The following PAPPA variants were observed in gnomAD, a reference collection of about 807,000 sequenced individuals.
PAPPA encodes pappalysin-1.
Under a neutral mutation model 164.0 loss-of-function variants are expected in PAPPA, and 60 were observed. The observed-to-expected ratio is 0.37, with a 90% CI of 0.30 to 0.45. The LOEUF (loss-of-function observed/expected upper bound fraction) is 0.45, where lower values mean the gene tolerates loss of function less well. Ranked by LOEUF, PAPPA falls within the 20% of genes least tolerant of loss-of-function variation. PAPPA has a pLI of 1.00. For missense variants in PAPPA, 1,782 were observed against 2,087.3 expected, an observed-to-expected ratio of 0.85 and a Z score of 2.85; for synonymous variants, 875 against 814.1, an observed-to-expected ratio of 1.07 and a Z score of -1.27.
chr9:116,265,906 G>C lies in PAPPA; in HGVS notation c.2782G>C (p.Gly928Arg), dbSNP rs769312259. The C allele has an allele frequency of 6.2e-7, 1 of 1,611,736 alleles. No individual in the cohort carries two copies. The highest frequency in any genetic ancestry group is 2.2e-5 in the East Asian group (1 of 44,832). Residue 928 changes from glycine to arginine, a missense_variant, in exon 8 of 22, where the codon GGA (glycine) becomes CGA (arginine). Around this residue, in one of 2 missense-constraint regions of PAPPA, gnomAD observed 1,324 missense variants for 1,656.9 expected, o/e 0.80. Coordinates refer to ENST00000328252, the MANE Select transcript of PAPPA (RefSeq NM_002581.5). ...CCAGTATTGGGTCATAACTATTTCA[G>C]GAACTGAAGAGAGTGAGCCATCACC... ...VYQYWVITISGTEESEPSPAV... is the reference protein window; with the variant it reads ...VYQYWVITISRTEESEPSPAV...
At chr9:116,176,275 G>A (rs1429337536) in intron 1 of PAPPA, among the ~76,000 whole-genome samples, 1 of 152,168 alleles carries the variant, frequency 6.6e-6, no homozygotes, top group East Asian at 1.9e-4. Flanking sequence ...AATTGTTGTT[G>A]GTCTTTATTC....
chr9:116,202,713 T>A (rs1844185432), intron 2 of PAPPA, among the ~76,000 whole-genome samples: 2 of 152,076 alleles, frequency 1.3e-5, no homozygotes, highest in Admixed American at 6.6e-5. Flanking sequence ...AAGGTGGAAG[T>A]GTGTAAGGGG....
intron 1 of PAPPA, among the ~76,000 whole-genome samples, chr9:116,173,870 C>T (rs901123320): frequency 1.3e-5 from 2 of 152,206 alleles, no homozygotes; most frequent in Non-Finnish European, 2.9e-5. Flanking sequence ...CTATAGAACT[C>T]GCTTTATTAC....
intron 1 of PAPPA, among the ~76,000 whole-genome samples, chr9:116,173,532 T>A (rs981025936): frequency 1.2e-4 from 18 of 152,182 alleles, no homozygotes; most frequent in African/African-American, 4.1e-4. Flanking sequence ...AAACTTTAGA[T>A]CTTTTGGCAT....
At chr9:116,215,991 A>T (rs938179300) in intron 4 of PAPPA, among the ~76,000 whole-genome samples, 2 of 152,210 alleles carry the variant, frequency 1.3e-5, no homozygotes, top group African/African-American at 4.8e-5. Context: ...TACCTTAGAC[A>T]TCAATTTTAT....
At chr9:116,238,886 C>T (rs1844704509) in intron 7 of PAPPA, among the ~76,000 whole-genome samples, 1 of 152,248 alleles carries the variant, frequency 6.6e-6, no homozygotes, top group South Asian at 2.1e-4. Flanking sequence ...AGTCCTGAAC[C>T]CCACCACAAA....
intron 12 of PAPPA, among the ~76,000 whole-genome samples, chr9:116,334,238 TAAA>T (rs397974030): frequency 1.1e-4 from 12 of 108,956 alleles, no homozygotes; most frequent in Admixed American, 2.0e-4. Flanking sequence ...CTGGCTGCAT[TAAA>T]AAAAAAAAAA....
chr9:116,353,922 T>TA (rs1846318318), intron 17 of PAPPA, 129 bp downstream of exon 17: 1 of 620,020 alleles, frequency 1.6e-6, no homozygotes, highest in Admixed American at 3.5e-5. Flanking sequence ...CTACCCGCAA[T>TA]ACTGTTTTTG....
intron 1 of PAPPA, among the ~76,000 whole-genome samples, chr9:116,186,299 CAGAG>C (rs1334134359): frequency 4.0e-5 from 6 of 149,726 alleles, no homozygotes; most frequent in Admixed American, 6.7e-5. Flanking sequence ...TATATATAGA[CAGAG>C]AGAGAGGCAT....
At chr9:116,238,178 A>T (rs1057310094) in intron 7 of PAPPA, among the ~76,000 whole-genome samples, 1 of 152,188 alleles carries the variant, frequency 6.6e-6, no homozygotes, top group Non-Finnish European at 1.5e-5. Flanking sequence ...AGGTGATTAT[A>T]ATTTGCAACA....
intron 10 of PAPPA, among the ~76,000 whole-genome samples, chr9:116,307,701 T>G (rs946551246): frequency 6.6e-6 from 1 of 152,142 alleles, no homozygotes; most frequent in African/African-American, 2.4e-5. Flanking sequence ...AGAAATATAT[T>G]TGAGTCCTGC....
intron 2 of PAPPA, among the ~76,000 whole-genome samples, chr9:116,202,709 G>C (rs904972171): frequency 6.6e-6 from 1 of 152,150 alleles, no homozygotes; most frequent in African/African-American, 2.4e-5. Context: ...GGCAAAGGTG[G>C]AAGTGTGTAA....
chr9:116,352,868 A>C lies in PAPPA; in HGVS notation c.4127A>C (p.Lys1376Thr). ...KHKVGSFCKY[K>T]CKPGYHVPGS... ...AAGGTGGGCTCCTTCTGCAAATACA[A>C]ATGCAAGCCTGGATACCATGTGCCT... The change falls in exon 16 of 22, where the codon AAA becomes ACA. Residue 1376 changes from lysine to threonine, a missense_variant. Lys to Thr is a moderately conservative substitution (Grantham distance 78, BLOSUM62 -1). Coordinates refer to ENST00000328252, the MANE Select transcript of PAPPA (RefSeq NM_002581.5). 6.2e-7 allele frequency: 1 copy of C among 1,614,106 alleles called. No individual in the cohort carries two copies. Among genetic ancestry groups the C allele is most frequent in the Non-Finnish European group, 8.5e-7 (1 of 1,180,018 alleles).
intron 14 of PAPPA, among the ~76,000 whole-genome samples, chr9:116,345,436 GAAAAA>G (rs55953344): frequency 1.4e-5 from 2 of 143,138 alleles, no homozygotes; most frequent in Admixed American, 6.9e-5. Context: ...ACATTGATGA[GAAAAA>G]AAAAAAAAAA....
chr9:116,309,367 C>T (rs1003314302), intron 10 of PAPPA, among the ~76,000 whole-genome samples: 3 of 152,244 alleles, frequency 2.0e-5, no homozygotes, highest in East Asian at 3.9e-4. Flanking sequence ...TGACCCACTG[C>T]GCCCAGCCAG....
chr9:116,223,942 G>A (rs1844474710), intron 5 of PAPPA, among the ~76,000 whole-genome samples: 1 of 152,144 alleles, frequency 6.6e-6, no homozygotes, highest in Non-Finnish European at 1.5e-5. Context: ...CAAGATAACG[G>A]TGAAATGCCA....
chr9:116,249,128 C>T (rs1305772845), intron 7 of PAPPA, among the ~76,000 whole-genome samples: 1 of 152,300 alleles, frequency 6.6e-6, no homozygotes, highest in East Asian at 1.9e-4. Context: ...GACATACTAG[C>T]CTTTCAGGAG....
chr9:116,166,529 T>C (rs1239724203), intron 1 of PAPPA, among the ~76,000 whole-genome samples: 1 of 152,202 alleles, frequency 6.6e-6, no homozygotes, highest in Non-Finnish European at 1.5e-5. Context: ...TGATTTTCCT[T>C]GATCTTGTGA....
At chr9:116,395,774 C>T (rs536616023) in intron 21 of PAPPA, among the ~76,000 whole-genome samples, 2 of 152,266 alleles carry the variant, frequency 1.3e-5, no homozygotes, top group South Asian at 2.1e-4. Flanking sequence ...AACCACCATG[C>T]GATCTATTCC....
Sources: allele counts gnomAD v4.1 joint callset (sites outside exome capture counted in the v4.1 genomes callset), GRCh38; gene constraint gnomAD v4.1.1; regional missense constraint gnomAD v4.1.1; transcripts MANE v1.5; gene names NCBI Gene and HGNC (gene_info 2026-07-23, HGNC 2026-07-21).